FRMD4A: variants seen among roughly 807,000 people sequenced by gnomAD.
FRMD4A encodes FERM domain-containing protein 4A.
FRMD4A carries 29 observed loss-of-function variants against 129.1 expected under a neutral mutation model. The ratio of observed to expected loss-of-function variants is 0.22; its 90% CI spans 0.17 to 0.31. FRMD4A has a LOEUF of 0.31. Among genes scored for constraint, FRMD4A ranks in the 10% least tolerant of loss-of-function variants. The pLI is 1.00. For synonymous variants in FRMD4A, 634 were observed against 571.6 expected, an observed-to-expected ratio of 1.11 and a Z score of -1.56; for missense variants, 1,272 against 1,375.8, an observed-to-expected ratio of 0.92 and a Z score of 1.19.
chr10:13,664,517 CT>C (rs35254141), intron 18 of FRMD4A, among the ~76,000 whole-genome samples: 8,093 of 152,164 alleles, frequency 0.053, 288 homozygotes, highest in African/African-American at 0.1. Flanking sequence ...TAGAAATTCA[CT>C]TTATTTATGT....
chr10:14,287,684 C>T lies in FRMD4A; in HGVS notation c.45+42374G>A, dbSNP rs548223065. Among the ~76,000 whole-genome samples the T allele has an allele frequency of 1.5e-4, 23 of 152,104 alleles. No homozygotes were observed. The East Asian group carries it at 2.7e-3, about 18-fold the overall frequency. ...TCTTTTCACTAGTTAGGAAATAAGG[C>T]GCCTCTCCACTGCCACATCAAAAAG... On this transcript the variant is annotated intron_variant, in intron 2 of 24. Transcript: ENST00000357447.
chr10:14,330,305 A>G, intron 1 of FRMD4A, 122 bp from the exon 2 acceptor site: 3 of 471,028 alleles, frequency 6.4e-6, no homozygotes, highest in South Asian at 3.2e-5. Flanking sequence ...GTGCTTAGGG[A>G]GGAAAAAAAA....
At chr10:13,672,841 C>T (rs909293478) in intron 16 of FRMD4A, among the ~76,000 whole-genome samples, 7 of 152,174 alleles carry the variant, frequency 4.6e-5, no homozygotes, top group African/African-American at 7.2e-5. Context: ...ACTACACATG[C>T]GTCAAGAGGC....
intron 2 of FRMD4A, among the ~76,000 whole-genome samples, chr10:14,269,501 C>T (rs928305240): frequency 4.6e-5 from 7 of 152,156 alleles, no homozygotes; most frequent in African/African-American, 1.7e-4. Context: ...TTCCTTGGCT[C>T]GTGGCCCCTT....
At chr10:14,075,962 T>C (rs1342692223) in intron 2 of FRMD4A, among the ~76,000 whole-genome samples, 1 of 152,336 alleles carries the variant, frequency 6.6e-6, no homozygotes, top group East Asian at 1.9e-4. Context: ...CTAACTCTCA[T>C]GTTCATGGTA....
intron 16 of FRMD4A, among the ~76,000 whole-genome samples, chr10:13,672,756 G>A (rs532434395): frequency 1.9e-4 from 29 of 151,950 alleles, no homozygotes; most frequent in African/African-American, 4.8e-4. Flanking sequence ...GTCAAGCAGC[G>A]CGTCTTGATA....
chr10:14,127,916 T>C (rs1331673746), intron 2 of FRMD4A, among the ~76,000 whole-genome samples: 1 of 2,678 alleles, frequency 3.7e-4, no homozygotes, highest in Non-Finnish European at 6.7e-4. Context: ...CTTTCTTTCT[T>C]TCTTTCTTTC....
intron 3 of FRMD4A, among the ~76,000 whole-genome samples, chr10:13,828,861 G>GGATATCCAAGTGTCC (rs1241451281): frequency 6.6e-6 from 1 of 152,146 alleles, no homozygotes; most frequent in Non-Finnish European, 1.5e-5. Context: ...AGTGTCCATT[G>GGATATCCAAGTGTCC]ATGGACACTT....
Position 13,824,321 on chromosome 10 carries a change from C to CAAAAAA in FRMD4A, c.112-13419_112-13414dup, listed in dbSNP as rs397721588. Among the ~76,000 whole-genome samples the CAAAAAA allele has an allele frequency of 7.3e-4, 72 of 99,052 alleles. 1 individual carries two copies. The East Asian group carries it at 9.2e-3, about 13-fold the overall frequency. The allele number at this position is 99,052 out of a possible 152,430, so 65.0% of individuals were successfully genotyped here. ...TGAAACCCTATCTGTACTAAAAATA[C>CAAAAAA]AAAAAAAAAAAAAAAAAAAAAATTA... is the stretch of plus-strand genomic sequence containing the variant. On this transcript the variant is annotated intron_variant, in intron 3 of 24. Transcript: ENST00000357447.
chr10:14,247,966 C>A (rs774967449), intron 2 of FRMD4A, among the ~76,000 whole-genome samples: 1 of 152,232 alleles, frequency 6.6e-6, no homozygotes, highest in Non-Finnish European at 1.5e-5. Flanking sequence ...AAACCTCATC[C>A]TAAGCCAAAT....
chr10:13,890,658 C>A, intron 2 of FRMD4A: 1 of 985,352 alleles, frequency 1.0e-6, no homozygotes, highest in Non-Finnish European at 1.2e-6. Flanking sequence ...CTGAAAGAAG[C>A]CAGAAACAGC....
chr10:13,738,109 A>T (rs1588496223), intron 11 of FRMD4A, among the ~76,000 whole-genome samples, 179 bp from the exon 12 acceptor site: 1 of 152,110 alleles, frequency 6.6e-6, no homozygotes, highest in Non-Finnish European at 1.5e-5. Flanking sequence ...ATACTCTGTT[A>T]TGTGAAGAGG....
chr10:14,031,410 G>A (rs1170021343), intron 2 of FRMD4A, among the ~76,000 whole-genome samples: 1 of 152,140 alleles, frequency 6.6e-6, no homozygotes, highest in Non-Finnish European at 1.5e-5. Context: ...TGAGAATACA[G>A]GCGCCAACCA....
At chr10:14,121,224 C>T (rs544452237) in intron 2 of FRMD4A, among the ~76,000 whole-genome samples, 90 of 152,190 alleles carry the variant, frequency 5.9e-4, no homozygotes, top group African/African-American at 1.8e-3. Context: ...AAAAGTTAGC[C>T]GGGCATGGTG....
intron 2 of FRMD4A, among the ~76,000 whole-genome samples, chr10:14,045,961 ATAT>A (rs1365504306): frequency 1.3e-4 from 19 of 148,840 alleles, no homozygotes; most frequent in East Asian, 1.2e-3. Flanking sequence ...ATATGTATTC[ATAT>A]TATTCAATAC....
intron 2 of FRMD4A, among the ~76,000 whole-genome samples, chr10:14,019,878 C>A (rs750266462): frequency 5.3e-5 from 8 of 152,030 alleles, no homozygotes; most frequent in Admixed American, 3.9e-4. Context: ...TTTCAGGAAA[C>A]CTGCTTGATT....
At chr10:14,052,314 A>C (rs1049270087) in intron 2 of FRMD4A, among the ~76,000 whole-genome samples, 1 of 152,216 alleles carries the variant, frequency 6.6e-6, no homozygotes, top group African/African-American at 2.4e-5. Context: ...AGCCACAAGA[A>C]GCTCATACAC....
At chr10:13,846,693 T>G (rs1564902126) in intron 3 of FRMD4A, among the ~76,000 whole-genome samples, 1 of 152,222 alleles carries the variant, frequency 6.6e-6, no homozygotes, top group East Asian at 1.9e-4. Context: ...TGGGCACAAC[T>G]GTACTCCTCA....
intron 2 of FRMD4A, among the ~76,000 whole-genome samples, chr10:14,303,457 G>C (rs1846251511): frequency 6.6e-6 from 1 of 152,224 alleles, no homozygotes; most frequent in Non-Finnish European, 1.5e-5. Flanking sequence ...CAAAGTGGGT[G>C]TGTAATAGTT....
Sources: gnomAD v4.1 joint callset for allele counts (sites outside exome capture counted in the v4.1 genomes callset) on GRCh38, gnomAD v4.1.1 for gene constraint, MANE v1.5 for transcripts, NCBI Gene and HGNC (gene_info 2026-07-23, HGNC 2026-07-21) for gene names.